Variants in DLG2 observed in about 807,000 individuals in gnomAD.
DLG2 encodes discs large MAGUK scaffold protein 2.
Under a neutral mutation model 132.5 loss-of-function variants are expected in DLG2, and 45 were observed. That is an observed-to-expected ratio of 0.34 (90% CI 0.27 to 0.44). The LOEUF (loss-of-function observed/expected upper bound fraction) is 0.44. Among genes scored for constraint, DLG2 ranks in the 20% least tolerant of loss-of-function variants. The probability of loss-of-function intolerance (pLI) is 1.00; values close to 1 mark genes in which losing one functional copy is unlikely to be tolerated. For missense variants in DLG2, 1,045 were observed against 1,196.9 expected, an observed-to-expected ratio of 0.87 and a Z score of 1.87; for synonymous variants, 424 against 419.6, an observed-to-expected ratio of 1.01 and a Z score of -0.13.
At chr11:84,591,131 G>A (rs543117705) in intron 6 of DLG2, among the ~76,000 whole-genome samples, 47 of 151,540 alleles carry the variant, frequency 3.1e-4, no homozygotes, top group African/African-American at 9.2e-4. Flanking sequence ...TTACCTTAAC[G>A]ACCATACTGT....
chr11:84,455,032 G>C (rs1244429515), intron 7 of DLG2, among the ~76,000 whole-genome samples: 1 of 151,316 alleles, frequency 6.6e-6, no homozygotes, highest in East Asian at 1.9e-4. Context: ...AAAACGTTTT[G>C]CTTTCTTAAA....
intron 3 of DLG2, among the ~76,000 whole-genome samples, chr11:85,505,813 C>T (rs745997355): frequency 3.3e-5 from 5 of 152,108 alleles, no homozygotes; most frequent in Admixed American, 6.6e-5. Flanking sequence ...CCTCCTTGTA[C>T]CTCTGGTAGA....
At chr11:84,273,417 T>C in intron 7 of DLG2, 2 of 1,202,228 alleles carry the variant, frequency 1.7e-6, no homozygotes, top group Non-Finnish European at 2.1e-6. Context: ...AATCAGAACA[T>C]TTCTTTTGGG....
At chr11:84,906,460 G>T (rs746643834) in intron 6 of DLG2, among the ~76,000 whole-genome samples, 1 of 151,408 alleles carries the variant, frequency 6.6e-6, no homozygotes, top group Non-Finnish European at 1.5e-5. Context: ...AGTCAGGGAA[G>T]ACGGGATGAT....
At chr11:83,992,090 G>A (rs903169674) in intron 11 of DLG2, among the ~76,000 whole-genome samples, 3 of 152,130 alleles carry the variant, frequency 2.0e-5, no homozygotes, top group Non-Finnish European at 4.4e-5. Flanking sequence ...GGGAAGAAGC[G>A]TGGAACAAAC....
At chr11:83,773,225 G>C (rs1279382331) in intron 18 of DLG2, among the ~76,000 whole-genome samples, 1 of 152,186 alleles carries the variant, frequency 6.6e-6, no homozygotes, top group Non-Finnish European at 1.5e-5. Flanking sequence ...CCTTGAGCGA[G>C]TCACTTAACT....
chr11:84,544,437 T>C (rs1469865283), intron 6 of DLG2, among the ~76,000 whole-genome samples: 1 of 152,196 alleles, frequency 6.6e-6, no homozygotes, highest in Non-Finnish European at 1.5e-5. Context: ...ATTAAACAGG[T>C]ATCATCATTC....
At chr11:84,021,762 C>CT (rs199809383) in intron 11 of DLG2, among the ~76,000 whole-genome samples, 61,428 of 147,336 alleles carry the variant, frequency 0.42, 14,321 homozygotes, top group Middle Eastern at 0.57. Flanking sequence ...ACAACTACTT[C>CT]TTTTTTTTTT....
At chr11:85,218,377 A>G (rs1388211814) in intron 4 of DLG2, among the ~76,000 whole-genome samples, 1 of 152,202 alleles carries the variant, frequency 6.6e-6, no homozygotes, top group Non-Finnish European at 1.5e-5. Context: ...AACAGAAAGC[A>G]AATAACTCCA....
chr11:83,935,096 G>A (rs1377730183), intron 14 of DLG2, among the ~76,000 whole-genome samples: 2 of 152,120 alleles, frequency 1.3e-5, no homozygotes, highest in African/African-American at 4.8e-5. Flanking sequence ...ATAATAGGAG[G>A]GGGCATCCAA....
At chr11:83,875,394 T>C (rs2064501036) in intron 15 of DLG2, among the ~76,000 whole-genome samples, 1 of 152,138 alleles carries the variant, frequency 6.6e-6, no homozygotes, top group Non-Finnish European at 1.5e-5. Flanking sequence ...ATGAAGAAAT[T>C]GAGATACAGA....
chr11:84,489,725 C>G (rs904650253), intron 7 of DLG2, among the ~76,000 whole-genome samples: 1 of 152,022 alleles, frequency 6.6e-6, no homozygotes, highest in Non-Finnish European at 1.5e-5. Context: ...TTCCATGCAT[C>G]CAAATGCAAC....
In DLG2 at chr11:83,469,246, A is replaced by T; in HGVS notation, c.2574T>A (p.Asn858Lys). The part of the protein sequence containing the change: ...KFIEAGQYND[N>K]LYGTSVQSVR... Reference sequence around the variant, plus strand: ...CAGACTGCACACTGGTTCCATATAAATTGTCATTGTACTGGCCGGCTTCTA... The same window carrying T: ...CAGACTGCACACTGGTTCCATATAATTTGTCATTGTACTGGCCGGCTTCTA... The change falls in exon 25 of 28, where the codon AAT becomes AAA. Residue 858 changes from asparagine (N) to lysine (K), a missense_variant. Physicochemically the swap from Asn to Lys is moderately conservative, Grantham distance 94. Transcript: ENST00000376104. The T allele has an allele frequency of 1.2e-6, 2 of 1,613,392 alleles. No individual in the cohort carries two copies. Among genetic ancestry groups the T allele is most frequent in the Non-Finnish European group, 1.7e-6 (2 of 1,179,724 alleles).
At chr11:83,925,847 C>G (rs1009113689) in intron 15 of DLG2, among the ~76,000 whole-genome samples, 1 of 152,020 alleles carries the variant, frequency 6.6e-6, no homozygotes, top group African/African-American at 2.4e-5. Context: ...ATATCAAAAG[C>G]TGAAAAACTT....
At chr11:84,865,932 C>T (rs926161248) in intron 6 of DLG2, among the ~76,000 whole-genome samples, 1 of 152,220 alleles carries the variant, frequency 6.6e-6, no homozygotes, top group Non-Finnish European at 1.5e-5. Flanking sequence ...TGCCAACCCC[C>T]TAAGGAGCAA....
At chr11:84,226,795 T>C (rs2097002383) in intron 8 of DLG2, among the ~76,000 whole-genome samples, 1 of 152,026 alleles carries the variant, frequency 6.6e-6, no homozygotes, top group Non-Finnish European at 1.5e-5. Context: ...AAGTTTAATG[T>C]GCCTTGGAAT....
At chr11:84,361,383 C>G (rs1007533603) in intron 7 of DLG2, among the ~76,000 whole-genome samples, 5 of 151,892 alleles carry the variant, frequency 3.3e-5, no homozygotes. Context: ...ATGACAGCAA[C>G]CCCTCCTCAT....
At chr11:84,318,750 A>G (rs750546742) in intron 7 of DLG2, among the ~76,000 whole-genome samples, 5 of 152,230 alleles carry the variant, frequency 3.3e-5, no homozygotes, top group Non-Finnish European at 7.3e-5. Context: ...AGGTATTCAA[A>G]ACACGTTTGT....
intron 26 of DLG2, 151 bp from the exon 27 acceptor site, chr11:83,462,244 A>G: frequency 3.5e-6 from 2 of 576,064 alleles, no homozygotes; most frequent in Middle Eastern, 4.6e-4. Context: ...CTGTGCTGGA[A>G]TAATTTCAGC....
Sources: gnomAD v4.1 joint callset for allele counts (sites outside exome capture counted in the v4.1 genomes callset) on GRCh38, gnomAD v4.1.1 for gene constraint, MANE v1.5 for transcripts, NCBI Gene and HGNC (gene_info 2026-07-23, HGNC 2026-07-21) for gene names.